C3orf22: variants seen among roughly 807,000 people sequenced by gnomAD.
The protein encoded by C3orf22 is chromosome 3 open reading frame 22.
In C3orf22, 7 loss-of-function variants were observed where a neutral mutation model predicts 10.8. The observed-to-expected ratio is 0.65, with a 90% confidence interval of 0.37 to 1.22. The LOEUF is 1.22. Among genes scored for constraint, C3orf22 ranks in the 50% most tolerant of loss-of-function variants. C3orf22 has a pLI of 0.02. For missense variants in C3orf22, 173 were observed against 177.0 expected (o/e 0.98, Z 0.13); for synonymous variants, 79 against 78.9 (o/e 1.00, Z 0.00).
chr3:126,549,541 G>A (rs1415247084), downstream of C3orf22: 1 of 768,776 alleles, frequency 1.3e-6, no homozygotes, highest in East Asian at 5.5e-5. Flanking sequence ...ACTTACCTGT[G>A]TGAGTGTACA....
chr3:126,546,609 C>T (rs978113119), downstream of C3orf22, among the ~76,000 whole-genome samples: 1 of 152,122 alleles, frequency 6.6e-6, no homozygotes. Context: ...ATCTACAAGC[C>T]CAGAAGAGAG....
intron 4 of C3orf22, chr3:126,541,928 G>C (rs757930551): frequency 6.3e-7 from 1 of 1,594,548 alleles, no homozygotes; most frequent in Admixed American, 1.7e-5. Flanking sequence ...CGTGCTGCTG[G>C]CGCTGAGCGG....
At chr3:126,537,710 G>A (rs1484971837) in intron 4 of C3orf22, among the ~76,000 whole-genome samples, 1 of 152,190 alleles carries the variant, frequency 6.6e-6, no homozygotes, top group Non-Finnish European at 1.5e-5. Context: ...TGACCGTTGG[G>A]TGTCAACTCC....
intron 4 of C3orf22, chr3:126,542,331 G>A (rs751763090): frequency 6.4e-7 from 1 of 1,567,064 alleles, no homozygotes; most frequent in Non-Finnish European, 8.6e-7. Context: ...TGTCGCCTCC[G>A]CTACGACGTC....
chr3:126,532,632 C>G (rs1936681781), intron 4 of C3orf22, among the ~76,000 whole-genome samples: 1 of 152,216 alleles, frequency 6.6e-6, no homozygotes, highest in Non-Finnish European at 1.5e-5. Context: ...ATCTATATGT[C>G]TCTCCTAGCC....
chr3:126,545,862 T>C (rs1937059050), downstream of C3orf22, among the ~76,000 whole-genome samples: 1 of 152,242 alleles, frequency 6.6e-6, no homozygotes, highest in Admixed American at 6.5e-5. Flanking sequence ...GTGGGACAGA[T>C]GCTCCAATGG....
At chr3:126,539,813 C>CAG (rs1936901928) in intron 4 of C3orf22, among the ~76,000 whole-genome samples, 1 of 16,422 alleles carries the variant, frequency 6.1e-5, no homozygotes, top group Non-Finnish European at 1.4e-4. Context: ...CACCACACAC[C>CAG]ACAAACACAC....
chr3:126,539,066 AC>A (rs1936865111), intron 4 of C3orf22, among the ~76,000 whole-genome samples: 1 of 151,896 alleles, frequency 6.6e-6, no homozygotes. Flanking sequence ...TGAGAATCTC[AC>A]CTACAGGCAT....
At chr3:126,527,291 A>T (rs942952909) in exon 6 of C3orf22, 3 of 152,222 alleles carry the variant, frequency 2.0e-5, no homozygotes, top group South Asian at 2.1e-4. Flanking sequence ...ACCCAACCCA[A>T]TTCAGACTCC....
chr3:126,534,330 T>C (rs1552642), intron 4 of C3orf22, among the ~76,000 whole-genome samples: 150,419 of 152,378 alleles, frequency 0.99, 74,259 homozygotes, highest in East Asian at 1. Context: ...AAGGAATACA[T>C]TTATAGGTAA....
chr3:126,536,170 G>A, intron 4 of C3orf22: 1 of 904,084 alleles, frequency 1.1e-6, no homozygotes, highest in South Asian at 1.5e-5. Flanking sequence ...GAAATTGAGT[G>A]CCAGAGGTGG....
downstream of C3orf22, among the ~76,000 whole-genome samples, chr3:126,548,010 T>A (rs1254911766): frequency 6.6e-6 from 1 of 152,212 alleles, no homozygotes; most frequent in East Asian, 1.9e-4. Context: ...CAGTCTTATA[T>A]AATTGAAAAA....
intron 4 of C3orf22, among the ~76,000 whole-genome samples, chr3:126,538,866 G>A (rs1230792758): frequency 1.3e-5 from 2 of 152,118 alleles, no homozygotes; most frequent in African/African-American, 2.4e-5. Context: ...TCTCAAAATG[G>A]TGAGATTTTA....
At chr3:126,549,304 G>A (rs898162325), downstream of C3orf22, among the ~76,000 whole-genome samples, 2 of 150,594 alleles carry the variant, frequency 1.3e-5, no homozygotes, top group African/African-American at 4.9e-5. Flanking sequence ...AACACAAGAT[G>A]GCAGCATATC....
intron 4 of C3orf22, among the ~76,000 whole-genome samples, chr3:126,539,874 C>G (rs200079135): frequency 3.8e-3 from 1 of 264 alleles, no homozygotes; most frequent in Non-Finnish European, 6.6e-3. Context: ...ACACCACACA[C>G]ACACACAAAC....
chr3:126,541,019 G>T (rs1169880874), intron 4 of C3orf22, among the ~76,000 whole-genome samples: 1 of 152,234 alleles, frequency 6.6e-6, no homozygotes, highest in Non-Finnish European at 1.5e-5. Flanking sequence ...GTGATCTGAA[G>T]AAAGGGGAGC....
chr3:126,554,262 G>GTTTTTTT, intron 1 of C3orf22, among the ~76,000 whole-genome samples: 1 of 80,914 alleles, frequency 1.2e-5, no homozygotes, highest in Non-Finnish European at 2.8e-5. Context: ...TTTTTCTGTT[G>GTTTTTTT]TTTTTTTTTT....
At chr3:126,552,621 G>A (rs150429393) in intron 2 of C3orf22, among the ~76,000 whole-genome samples, 61 of 152,306 alleles carry the variant, frequency 4.0e-4, no homozygotes, top group Non-Finnish European at 8.2e-4. Context: ...TCCCTCGAGC[G>A]TGGCTGCCCT....
rs114192233 is a variant in C3orf22 at position 126,539,283 on chromosome 3, T to C, written c.287-9911A>G. Among the ~76,000 whole-genome samples the C allele has an allele frequency of 7.7e-3, 1,174 of 152,264 alleles. 11 individuals carry two copies. Among genetic ancestry groups the C allele is most frequent in the Non-Finnish European group, 0.01 (711 of 68,018 alleles). ...TAATAAGTCTCCCTCCACCCACCCT[T>C]TGTGAAACGTTTTTTATTTCTTTCC... On this transcript the variant is annotated intron_variant and NMD_transcript_variant, in intron 4 of 5. Transcript: ENST00000505070.
Sources: gnomAD v4.1 joint callset for allele counts (sites outside exome capture counted in the v4.1 genomes callset) on GRCh38, gnomAD v4.1.1 for gene constraint, MANE v1.5 for transcripts, NCBI Gene and HGNC (gene_info 2026-07-23, HGNC 2026-07-21) for gene names.